The following SRP72 variants were observed in gnomAD, a reference collection of about 807,000 sequenced individuals.
SRP72 encodes the protein signal recognition particle subunit SRP72.
SRP72 carries 49 observed loss-of-function variants against 96.3 expected under a neutral mutation model. The observed-to-expected ratio is 0.51, with a 90% CI of 0.40 to 0.65. The LOEUF is 0.65. Ranked by LOEUF, SRP72 falls within the 30% of genes least tolerant of loss-of-function variation. The pLI, the probability that SRP72 is intolerant of heterozygous loss-of-function variation, is 0.00. For synonymous variants in SRP72, 267 were observed against 275.2 expected (o/e 0.97, Z 0.30); for missense variants, 736 against 793.3 (o/e 0.93, Z 0.87).
Position 56,500,464 on chromosome 4 carries a change from G to C in SRP72, c.1679-72G>C, listed in dbSNP as rs989054917. ...TTAATGTTATTTATTCCCAGGCTTAGAGACATCGTTTAAACAAACTATCTT... is the reference window on the plus strand; with the variant it reads ...TTAATGTTATTTATTCCCAGGCTTACAGACATCGTTTAAACAAACTATCTT... On this transcript the variant is annotated intron_variant, in intron 17 of 18. Coordinates refer to ENST00000642900, the MANE Select transcript of SRP72 (RefSeq NM_006947.4). 18 of 1,464,646 alleles carry C rather than the reference G, an allele frequency of 1.2e-5. No individual in the cohort carries two copies. The East Asian group carries it at 4.1e-4, about 33-fold the overall frequency. 90.7% of individuals were successfully genotyped at this position (1,464,646 alleles called of 1,614,324 possible).
chr4:56,502,741 A>G lies in SRP72; in HGVS notation c.*880A>G, dbSNP rs182247685. The G allele has an allele frequency of 3.4e-4, 52 of 152,214 alleles. No individual in the cohort carries two copies. Among genetic ancestry groups the G allele is most frequent in the Admixed American group, 3.3e-3 (51 of 15,278 alleles). 9.4% of individuals were successfully genotyped at this position (152,214 alleles called of 1,614,324 possible). ...TGGCTTCCTCCATAGAGAAGAAATC[A>G]GTATCTGAGTTGCATACCAGGCAGT... On this transcript the variant is annotated 3_prime_UTR_variant, in exon 19 of 19. Coordinates refer to ENST00000642900, the MANE Select transcript of SRP72 (RefSeq NM_006947.4).
rs982810688 is a variant in SRP72, at chr4:56,501,961, C to T, written c.*100C>T. 3 of 1,190,448 alleles carry T rather than the reference C, an allele frequency of 2.5e-6. No homozygotes were observed. The highest frequency in any genetic ancestry group is 3.6e-6 in the Non-Finnish European group (3 of 823,790). The allele number at this position is 1,190,448 out of a possible 1,614,324, so 73.7% of individuals were successfully genotyped here. ...AAGAAGCACAGAACTACTCCCTCTT[C>T]ATCTCCATATTTTCATAATTTCTTG... is the stretch of plus-strand genomic sequence containing the variant. On this transcript the variant is annotated 3_prime_UTR_variant, in exon 19 of 19. Transcript: ENST00000642900.
chr4:56,476,177 G>C (rs998099627), intron 5 of SRP72: 1 of 160,538 alleles, frequency 6.2e-6, no homozygotes, highest in Admixed American at 6.5e-5. Flanking sequence ...AGCTACTTGG[G>C]AGGCGGAGGT....
rs541021282 is a variant in SRP72 at position 56,477,663 on chromosome 4, G to A, written c.643-716G>A. 3.9e-5 allele frequency among the ~76,000 whole-genome samples: 6 copies of A among 152,114 alleles called. No individual in the cohort carries two copies. In the East Asian group the frequency reaches 1.2e-3, roughly 29 times the overall value. On this transcript the variant is annotated intron_variant, in intron 6 of 18. Transcript: ENST00000642900. Reference sequence around the variant, plus strand: ...CAAACACAACTGCATAATGGGTTTGGAAACAAACATATCTGACTCCTGGTC... The same window carrying A: ...CAAACACAACTGCATAATGGGTTTGAAAACAAACATATCTGACTCCTGGTC...
intron 1 of SRP72, among the ~76,000 whole-genome samples, chr4:56,469,191 G>T (rs77034019): frequency 0.031 from 4,711 of 152,280 alleles, 89 homozygotes; most frequent in Admixed American, 0.049. Context: ...AGAAAACTGA[G>T]ATTTGGCTGT....
At chr4:56,490,719 C>T (rs1209210138) in intron 15 of SRP72, 74 bp downstream of exon 15, 19 of 1,305,316 alleles carry the variant, frequency 1.5e-5, no homozygotes, top group Middle Eastern at 1.9e-4. Context: ...GTGTTTTGAC[C>T]AGAGCTTTTT....
At chr4:56,501,613 C>T in intron 18 of SRP72, 71 bp from the exon 19 acceptor site, 1 of 1,357,880 alleles carries the variant, frequency 7.4e-7, no homozygotes, top group Non-Finnish European at 1.0e-6. Context: ...AAGTAAAACC[C>T]ATGTACATAC....
chr4:56,478,148 CCTTTT>C (rs1480338874), intron 6 of SRP72, among the ~76,000 whole-genome samples: 2 of 146,552 alleles, frequency 1.4e-5, no homozygotes, highest in East Asian at 2.0e-4. Flanking sequence ...GATCTTTTTG[CCTTTT>C]CTTTTTTTTT....
intron 12 of SRP72, 120 bp downstream of exon 12, chr4:56,488,133 T>C: frequency 1.6e-6 from 1 of 623,206 alleles, no homozygotes; most frequent in Non-Finnish European, 2.7e-6. Context: ...GTAGTAATTA[T>C]AATAGTAATA....
chr4:56,469,874 CG>C (rs1182119290), intron 2 of SRP72, 101 bp downstream of exon 2: 10 of 1,154,132 alleles, frequency 8.7e-6, no homozygotes, highest in Admixed American at 2.8e-5. Flanking sequence ...TTTTTTTTAA[CG>C]TTTTTTTCCT....
At chr4:56,491,623 T>TA (rs1164762632) in intron 16 of SRP72, 55 bp downstream of exon 16, 1 of 1,514,498 alleles carries the variant, frequency 6.6e-7, no homozygotes, top group African/African-American at 1.4e-5. Flanking sequence ...AGACAAGGAA[T>TA]AAAAAATACA....
At chr4:56,488,649 A>G (rs745623688) in intron 12 of SRP72, among the ~76,000 whole-genome samples, 1 of 152,202 alleles carries the variant, frequency 6.6e-6, no homozygotes, top group Non-Finnish European at 1.5e-5. Context: ...AATATTTAAT[A>G]TATGACCACC....
chr4:56,500,752 C>A (rs1721234542), intron 18 of SRP72, 57 bp downstream of exon 18: 2 of 1,498,682 alleles, frequency 1.3e-6, no homozygotes, highest in African/African-American at 1.4e-5. Flanking sequence ...TCTAGATTGA[C>A]TCAAGGCTAT....
chr4:56,474,430 C>G, intron 5 of SRP72, 39 bp downstream of exon 5: 3 of 1,537,332 alleles, frequency 2.0e-6, no homozygotes, highest in Non-Finnish European at 2.7e-6. Flanking sequence ...ATATAACGTG[C>G]ATATAACTTT....
At chr4:56,496,161 AT>A (rs1721067990) in intron 17 of SRP72, among the ~76,000 whole-genome samples, 1 of 152,144 alleles carries the variant, frequency 6.6e-6, no homozygotes, top group Admixed American at 6.6e-5. Flanking sequence ...GTCAGATGTT[AT>A]CCTTGGAGCC....
chr4:56,490,450 C>T lies in SRP72; in HGVS notation c.1424+14C>T, dbSNP rs1003615980. The T allele has an allele frequency of 1.4e-5, 23 of 1,610,624 alleles. 1 individual carries two copies. The Admixed American group carries it at 2.2e-4, about 15-fold the overall frequency. The stretch of plus-strand genomic sequence containing the variant: ...ACAGCTGTGGAAGTAAGCTCTGAAA[C>T]GTGGAGTTGTAGAAATAACACATTT... On this transcript the variant is annotated intron_variant, in intron 14 of 18. Transcript: ENST00000642900.
At chr4:56,494,030 G>A (rs571723999) in intron 16 of SRP72, among the ~76,000 whole-genome samples, 1 of 152,330 alleles carries the variant, frequency 6.6e-6, no homozygotes, top group African/African-American at 2.4e-5. Flanking sequence ...TGGAGAAGAT[G>A]ATTGTGTTGA....
intron 2 of SRP72, among the ~76,000 whole-genome samples, chr4:56,470,283 A>G (rs919287717): frequency 7.2e-5 from 11 of 152,212 alleles, no homozygotes; most frequent in Admixed American, 3.3e-4. Flanking sequence ...AAGAGAAACA[A>G]TGAATAGTCA....
chr4:56,472,768 A>G (rs41447645), intron 3 of SRP72, among the ~76,000 whole-genome samples: 3,470 of 152,152 alleles, frequency 0.023, 128 homozygotes, highest in African/African-American at 0.077. Flanking sequence ...GGACAAATTC[A>G]TGGATTGTAG....
Sources: allele counts gnomAD v4.1 joint callset (sites outside exome capture counted in the v4.1 genomes callset), GRCh38; gene constraint gnomAD v4.1.1; transcripts MANE v1.5; gene names NCBI Gene and HGNC (gene_info 2026-07-23, HGNC 2026-07-21).